The following MAML3 variants were observed in gnomAD, a reference collection of about 807,000 sequenced individuals.
The protein encoded by MAML3 is mastermind-like protein 3.
Under a neutral mutation model 101.9 loss-of-function variants are expected in MAML3, and 27 were observed. The ratio of observed to expected loss-of-function variants is 0.27; its 90% CI spans 0.20 to 0.37. The LOEUF (loss-of-function observed/expected upper bound fraction) is 0.37, where lower values mean the gene tolerates loss of function less well. Ranked by LOEUF, MAML3 falls within the 10% of genes least tolerant of loss-of-function variation. MAML3 has a pLI of 1.00. For synonymous variants in MAML3, 501 were observed against 555.9 expected (o/e 0.90, Z 1.39); for missense variants, 1,316 against 1,444.9 (o/e 0.91, Z 1.45).
intron 1 of MAML3, among the ~76,000 whole-genome samples, chr4:139,894,981 G>A (rs1355565534): frequency 2.0e-5 from 3 of 152,190 alleles, no homozygotes; most frequent in African/African-American, 2.4e-5. Flanking sequence ...GAACTGACTC[G>A]ATTTTAGAAA....
chr4:140,068,149 G>A (rs1040206067), intron 1 of MAML3, among the ~76,000 whole-genome samples: 5 of 152,074 alleles, frequency 3.3e-5, no homozygotes, highest in Admixed American at 1.3e-4. Context: ...AAGTGGTCAC[G>A]AGCCCACCCA....
chr4:139,762,849 C>T (rs1578588670), intron 2 of MAML3, among the ~76,000 whole-genome samples: 1 of 152,168 alleles, frequency 6.6e-6, no homozygotes, highest in Non-Finnish European at 1.5e-5. Context: ...TGTGGCCAGG[C>T]ACAGCCCATG....
At chr4:139,963,647 A>G (rs1017247132) in intron 1 of MAML3, among the ~76,000 whole-genome samples, 1 of 152,248 alleles carries the variant, frequency 6.6e-6, no homozygotes, top group African/African-American at 2.4e-5. Context: ...GAGAATCCCA[A>G]TAATGGAAGT....
intron 1 of MAML3, among the ~76,000 whole-genome samples, chr4:140,148,488 G>T (rs1729100523): frequency 6.6e-6 from 1 of 152,188 alleles, no homozygotes; most frequent in South Asian, 2.1e-4. Context: ...ACAAACTTAA[G>T]GCATGCTGTG....
chr4:139,855,033 C>T (rs570235009), intron 2 of MAML3, among the ~76,000 whole-genome samples: 2 of 152,312 alleles, frequency 1.3e-5, no homozygotes, highest in South Asian at 4.1e-4. Context: ...TGTAGATCCA[C>T]TTTCAATTCT....
intron 1 of MAML3, among the ~76,000 whole-genome samples, chr4:140,093,325 A>G (rs1728093440): frequency 1.3e-5 from 2 of 152,082 alleles, no homozygotes; most frequent in South Asian, 4.1e-4. Flanking sequence ...AGCTTGCCAG[A>G]CCATGTGTCC....
intron 1 of MAML3, chr4:140,127,866 G>A (rs533558456): frequency 1.2e-3 from 186 of 152,282 alleles, no homozygotes; most frequent in African/African-American, 4.2e-3. Flanking sequence ...TCACCAGAAC[G>A]CAAGCCAAAC....
chr4:140,128,366 C>T (rs886160719), intron 1 of MAML3, among the ~76,000 whole-genome samples: 1 of 152,154 alleles, frequency 6.6e-6, no homozygotes, highest in Non-Finnish European at 1.5e-5. Flanking sequence ...TGCTGAGGAA[C>T]AACCTGCAGG....
chr4:140,054,484 T>G (rs1727319994), intron 1 of MAML3, among the ~76,000 whole-genome samples: 1 of 152,206 alleles, frequency 6.6e-6, no homozygotes, highest in South Asian at 2.1e-4. Flanking sequence ...TCCTCCATAT[T>G]CTTCCTATTT....
At chr4:139,965,480 T>C (rs1025338474) in intron 1 of MAML3, among the ~76,000 whole-genome samples, 1 of 150,828 alleles carries the variant, frequency 6.6e-6, no homozygotes, top group South Asian at 2.1e-4. Context: ...CCTTTGAGAA[T>C]GGCAGCTTAA....
chr4:140,110,566 T>G (rs1268811197), intron 1 of MAML3, among the ~76,000 whole-genome samples: 1 of 152,172 alleles, frequency 6.6e-6, no homozygotes, highest in Non-Finnish European at 1.5e-5. Context: ...AAAGTGAACT[T>G]TGACCAGCAA....
chr4:139,791,794 C>A (rs1028197753), intron 2 of MAML3, among the ~76,000 whole-genome samples: 10 of 152,180 alleles, frequency 6.6e-5, no homozygotes, highest in African/African-American at 1.9e-4. Context: ...TATTTCCAGC[C>A]CATTGTATTC....
chr4:139,748,749 G>C (rs1560781591), intron 2 of MAML3, among the ~76,000 whole-genome samples: 1 of 106,554 alleles, frequency 9.4e-6, no homozygotes, highest in African/African-American at 4.1e-5. Context: ...GCTTTGGAAA[G>C]TTGAGCAATT....
chr4:139,854,404 C>T (rs1336859242), intron 2 of MAML3, among the ~76,000 whole-genome samples: 2 of 149,570 alleles, frequency 1.3e-5, no homozygotes, highest in Non-Finnish European at 3.0e-5. Flanking sequence ...CTTGTGGCCA[C>T]TATTACAGTC....
intron 1 of MAML3, among the ~76,000 whole-genome samples, chr4:140,078,028 A>AAATAAATAAATAAAT (rs1553973336): frequency 8.2e-4 from 122 of 148,050 alleles, no homozygotes; most frequent in African/African-American, 1.4e-3. Flanking sequence ...AATAAATAAA[A>AAATAAATAAATAAAT]AAATAAATAA....
chr4:139,955,335 TA>T (rs1358047307), intron 1 of MAML3, among the ~76,000 whole-genome samples: 1 of 151,984 alleles, frequency 6.6e-6, no homozygotes, highest in Non-Finnish European at 1.5e-5. Flanking sequence ...CTTTTTTTTT[TA>T]ATCTAAAAGT....
intron 1 of MAML3, among the ~76,000 whole-genome samples, chr4:139,983,640 A>C (rs74583943): frequency 6.6e-6 from 1 of 152,212 alleles, no homozygotes; most frequent in East Asian, 1.9e-4. Context: ...ACACTCAAAA[A>C]GTTTCAGATA....
At chr4:139,968,408 A>G (rs1318323984) in intron 1 of MAML3, among the ~76,000 whole-genome samples, 1 of 152,078 alleles carries the variant, frequency 6.6e-6, no homozygotes, top group East Asian at 1.9e-4. Context: ...AAACAACACT[A>G]GGGACTCAAT....
intron 1 of MAML3, among the ~76,000 whole-genome samples, chr4:140,066,191 AG>A (rs1727534098): frequency 1.3e-5 from 2 of 152,264 alleles, no homozygotes. Flanking sequence ...AATGAATTTG[AG>A]CAGCAAACAG....
Sources: gnomAD v4.1 joint callset for allele counts (sites outside exome capture counted in the v4.1 genomes callset) on GRCh38, gnomAD v4.1.1 for gene constraint, MANE v1.5 for transcripts, NCBI Gene and HGNC (gene_info 2026-07-23, HGNC 2026-07-21) for gene names.